HPS1: variants seen among roughly 807,000 people sequenced by gnomAD.
HPS1 encodes HPS1 biogenesis of lysosomal organelles complex 3 subunit 1, also known as BLOC-3 complex member HPS1.
In HPS1, 59 loss-of-function variants were observed where a neutral mutation model predicts 90.6. That is an observed-to-expected ratio of 0.65 (90% CI 0.53 to 0.81). The LOEUF (loss-of-function observed/expected upper bound fraction) is 0.81. HPS1 is among the 30% of genes least tolerant of loss of function. The probability of loss-of-function intolerance (pLI) is 0.00; values close to 1 mark genes in which losing one functional copy is unlikely to be tolerated. For missense variants in HPS1, 849 were observed against 896.7 expected (o/e 0.95, Z 0.68); for synonymous variants, 388 against 384.4 (o/e 1.01, Z -0.11).
rs1250089452 is a variant in HPS1, at chr10:98,417,238, G to C, written c.*326C>G. ...AGCTTGCTGGGTGGGCTTCCTCCAC[G>C]CAGGGAACAGCAGAGATGGGGCTTC... On this transcript the variant is annotated 3_prime_UTR_variant, in exon 20 of 20. Coordinates refer to ENST00000361490, the MANE Select transcript of HPS1 (RefSeq NM_000195.5). This position sits in a 1 kb window ranked among gnomAD's most constrained non-coding sequence, Gnocchi z 4.2. 2 of 212,422 alleles carry C rather than the reference G, an allele frequency of 9.4e-6. No homozygotes were observed. Among genetic ancestry groups the C allele is most frequent in the African/African-American group, 2.3e-5 (1 of 43,440 alleles). 13.2% of individuals were successfully genotyped at this position (212,422 alleles called of 1,614,324 possible). A position where few individuals can be genotyped will look rare whatever the true frequency, so the allele number is the denominator to read the frequency against.
intron 3 of HPS1, among the ~76,000 whole-genome samples, chr10:98,440,204 C>T (rs563453422): frequency 6.6e-6 from 1 of 152,234 alleles, no homozygotes; most frequent in African/African-American, 2.4e-5. Flanking sequence ...AAGGAGCATA[C>T]TCATATATTA....
rs1290435576 is a variant in HPS1, at chr10:98,434,005, T to C, written c.485A>G (p.Gln162Arg). The C allele has an allele frequency of 8.3e-6, 13 of 1,558,986 alleles. No homozygotes were observed. Among genetic ancestry groups the C allele is most frequent in the South Asian group, 2.4e-5 (2 of 84,524 alleles). Residue 162 changes from glutamine (Q) to arginine (R), a missense_variant, in exon 6 of 20, where the codon CAG (glutamine) becomes CGG (arginine). Transcript: ENST00000361490. The part of the protein sequence containing the change: ...LLWTYSRLRE[Q>R]EQCFAVEALE... ...CACCTCCACGGCGAAGCACTGCTCC[T>C]GCTCCCGCAGGCGGCTGTAGGTCCA...
At chr10:98,442,780 T>A (rs961919049) in intron 3 of HPS1, 18 of 345,786 alleles carry the variant, frequency 5.2e-5, no homozygotes, top group Non-Finnish European at 9.0e-5. Flanking sequence ...AGTGTTGTGA[T>A]TACAGGCGTG....
intron 13 of HPS1, 91 bp from the exon 14 acceptor site, chr10:98,424,465 G>C: frequency 8.9e-7 from 1 of 1,120,386 alleles, no homozygotes; most frequent in South Asian, 1.3e-5. Flanking sequence ...CTCTGAGAGG[G>C]CACAGGGCCC....
intron 10 of HPS1, 62 bp from the exon 11 acceptor site, chr10:98,427,326 C>T (rs1845747860): frequency 7.1e-7 from 1 of 1,406,984 alleles, no homozygotes; most frequent in African/African-American, 1.4e-5. Flanking sequence ...AATGGCTCAA[C>T]AGCATGGGGT....
At chr10:98,421,979 G>GACACACACACACACACACAC (rs200573934) in intron 17 of HPS1, among the ~76,000 whole-genome samples, 42 of 140,032 alleles carry the variant, frequency 3.0e-4, no homozygotes, top group African/African-American at 7.0e-4. Context: ...CACACACACA[G>GACACACACACACACACACAC]ACACACACAC....
At chr10:98,443,342 G>A in intron 2 of HPS1, 102 bp from the exon 3 acceptor site, 2 of 854,042 alleles carry the variant, frequency 2.3e-6, no homozygotes, top group Non-Finnish European at 4.1e-6. Flanking sequence ...CATTCAGTGA[G>A]CCCCTTCTGC....
At chr10:98,429,975 G>GCCTCCACA in intron 8 of HPS1, 86 bp from the exon 9 acceptor site, 1 of 1,235,044 alleles carries the variant, frequency 8.1e-7, no homozygotes, top group East Asian at 2.4e-5. Flanking sequence ...TCACAGAGAA[G>GCCTCCACA]CCTCCACCCC....
chr10:98,429,614 TC>T lies in HPS1; in HGVS notation c.895del (p.Glu299SerfsTer32), dbSNP rs776397677. 1 of 1,614,164 alleles carries T rather than the reference TC, an allele frequency of 6.2e-7. No homozygotes were observed. Among genetic ancestry groups the T allele is most frequent in the South Asian group, 1.1e-5 (1 of 91,084 alleles). ...AGGGGAAGGAGCTGGTGTGAAGTACTCCTCAGGGAGGGAGAAGCTGTCTGTC... is the reference window on the plus strand; with the variant it reads ...AGGGGAAGGAGCTGGTGTGAAGTACTCTCAGGGAGGGAGAAGCTGTCTGTC... ...TETDSFSLPEEYFTPAPSPGD... is the reference protein window; with the variant it reads ...TETDSFSLPEXYFTPAPSPGD... On this transcript the variant is annotated frameshift_variant, in exon 10 of 20. Transcript: ENST00000361490. LOFTEE classifies it high-confidence loss of function.
intron 11 of HPS1, chr10:98,426,218 G>A: frequency 1.8e-6 from 1 of 546,778 alleles, no homozygotes; most frequent in East Asian, 3.1e-5. Flanking sequence ...GCCAAGCAGG[G>A]CAGTGGGCAG....
rs979872984 is a variant in HPS1, at chr10:98,435,374, G to A, written c.296C>T (p.Thr99Ile). ...CCGCCGCAGGTCCCCCTCGCTCTCG[G>A]TGTGGTCACCATTGATGGCAATGAA... ...CLFIAINGDHTESEGDLRRKL... is the reference protein window; with the variant it reads ...CLFIAINGDHIESEGDLRRKL... The change falls in exon 5 of 20, where the codon ACC (threonine) becomes ATC (isoleucine). Residue 99 changes from threonine to isoleucine, a missense_variant. Coordinates refer to ENST00000361490, the MANE Select transcript of HPS1 (RefSeq NM_000195.5). This position sits in a 1 kb window ranked among gnomAD's most constrained non-coding sequence, Gnocchi z 4.3. 1.2e-5 allele frequency: 20 copies of A among 1,613,916 alleles called. No individual in the cohort carries two copies. Among genetic ancestry groups the A allele is most frequent in the Non-Finnish European group, 1.7e-5 (20 of 1,180,002 alleles).
At position 98,435,131 on chromosome 10, in the gene HPS1, A is replaced by T; in HGVS notation, c.398+141T>A. ...TCAGACCAGATGGTCTCCAAGGTTCACTTGAGCTGTTTCTCTGACCTAGGG... is the reference window on the plus strand; with the variant it reads ...TCAGACCAGATGGTCTCCAAGGTTCTCTTGAGCTGTTTCTCTGACCTAGGG... On this transcript the variant is annotated intron_variant, in intron 5 of 19. Transcript: ENST00000361490. The surrounding 1 kb of genome is among the most constrained non-coding windows in gnomAD (Gnocchi z 4.3). The T allele has an allele frequency of 1.1e-6, 1 of 917,972 alleles. No homozygotes were observed. Among genetic ancestry groups the T allele is most frequent in the Non-Finnish European group, 1.7e-6 (1 of 572,446 alleles). The allele number at this position is 917,972 out of a possible 1,614,324, so 56.9% of individuals were successfully genotyped here. A position where few individuals can be genotyped will look rare whatever the true frequency, so the allele number is the denominator to read the frequency against.
chr10:98,423,298 C>T (rs1395309413), intron 16 of HPS1, among the ~76,000 whole-genome samples: 1 of 151,284 alleles, frequency 6.6e-6, no homozygotes, highest in East Asian at 1.9e-4. Flanking sequence ...CCGGTCCCCA[C>T]CCCTCGTGGA....
In HPS1 at chr10:98,435,003, G is replaced by C. The variant is rs1847101747; in HGVS notation, c.398+269C>G. ...GAAAGAGCACTGGACTGAGAGTCCTGAGCTCAAATATCCAGTTTGGATGTG... is the reference window on the plus strand; with the variant it reads ...GAAAGAGCACTGGACTGAGAGTCCTCAGCTCAAATATCCAGTTTGGATGTG... On this transcript the variant is annotated intron_variant, in intron 5 of 19. Transcript: ENST00000361490. This position sits in a 1 kb window ranked among gnomAD's most constrained non-coding sequence, Gnocchi z 4.3. 1 of 498,790 alleles carries C rather than the reference G, an allele frequency of 2.0e-6. No homozygotes were observed. Among genetic ancestry groups the C allele is most frequent in the East Asian group, 3.8e-5 (1 of 26,148 alleles). The allele number at this position is 498,790 out of a possible 1,614,324, so 30.9% of individuals were successfully genotyped here.
rs753635327 is a variant in HPS1 at position 98,422,466 on chromosome 10, C to T, written c.1646G>A (p.Arg549His). ...AGGCGCCACCATCTGCCCAGTGGTG[C>T]GGTCCACATAGATGAAGTGCACCAA... ...PGLVHFIYVD[R>H]TTGQMVAPSL... Residue 549 changes from arginine (R) to histidine (H), a missense_variant, in exon 17 of 20, where the codon CGC (arginine) becomes CAC (histidine). Transcript: ENST00000361490. The T allele has an allele frequency of 4.3e-6, 7 of 1,613,880 alleles. No individual in the cohort carries two copies. The highest frequency in any genetic ancestry group is 4.5e-5 in the East Asian group (2 of 44,896).
downstream of HPS1, chr10:98,414,858 T>G: frequency 8.2e-7 from 1 of 1,214,684 alleles, no homozygotes; most frequent in Non-Finnish European, 1.1e-6. Flanking sequence ...GGGCTTTCCA[T>G]TGCAGCCCCT....
chr10:98,423,191 G>A (rs1845116935), intron 16 of HPS1, among the ~76,000 whole-genome samples: 1 of 152,080 alleles, frequency 6.6e-6, no homozygotes, highest in Admixed American at 6.5e-5. Flanking sequence ...AACATTTGCC[G>A]TAGGCCTTCT....
intron 17 of HPS1, among the ~76,000 whole-genome samples, chr10:98,421,644 G>C (rs916067269): frequency 3.3e-5 from 5 of 152,118 alleles, no homozygotes; most frequent in African/African-American, 1.2e-4. Flanking sequence ...CAGAATGAGG[G>C]GCAAGGATGA....
intron 3 of HPS1, among the ~76,000 whole-genome samples, chr10:98,439,826 A>G (rs184128431): frequency 3.7e-4 from 56 of 152,302 alleles, no homozygotes; most frequent in African/African-American, 1.2e-3. Flanking sequence ...CTCATCTTGA[A>G]TTGTAATCCC....
Sources: allele counts gnomAD v4.1 joint callset (sites outside exome capture counted in the v4.1 genomes callset), GRCh38; gene constraint gnomAD v4.1.1; non-coding constraint Gnocchi (gnomAD v3.1); transcripts MANE v1.5; gene names NCBI Gene and HGNC (gene_info 2026-07-23, HGNC 2026-07-21).